ARID5B: variants seen among roughly 807,000 people sequenced by gnomAD.
ARID5B encodes AT-rich interactive domain-containing protein 5B.
A neutral mutation model predicts 97.2 loss-of-function variants in ARID5B; 13 were observed. That is an observed-to-expected ratio of 0.13 (90% confidence interval 0.09 to 0.21). The LOEUF is 0.21. Among genes scored for constraint, ARID5B ranks in the 10% least tolerant of loss-of-function variants. The pLI, the probability that ARID5B is intolerant of heterozygous loss-of-function variation, is 1.00. For missense variants in ARID5B, 1,210 were observed against 1,465.3 expected (o/e 0.83, Z 2.84); for synonymous variants, 556 against 570.3 (o/e 0.97, Z 0.36).
chr10:62,074,106 C>T (rs1170018339), intron 8 of ARID5B, among the ~76,000 whole-genome samples: 1 of 152,106 alleles, frequency 6.6e-6, no homozygotes, highest in East Asian at 1.9e-4. Context: ...ACTCAGAATG[C>T]TAGATTACTG....
intron 4 of ARID5B, among the ~76,000 whole-genome samples, chr10:62,006,116 A>C (rs748973802): frequency 1.3e-5 from 2 of 152,110 alleles, no homozygotes; most frequent in Non-Finnish European, 2.9e-5. Flanking sequence ...TTGTTTTGGA[A>C]ATTTTCTAGA....
At chr10:61,949,649 C>G (rs767706450) in intron 3 of ARID5B, among the ~76,000 whole-genome samples, 2 of 152,110 alleles carry the variant, frequency 1.3e-5, no homozygotes, top group Non-Finnish European at 2.9e-5. Flanking sequence ...ACCACCCCCC[C>G]ACGCCCCCAC....
At chr10:61,977,864 T>C (rs1438851909) in intron 3 of ARID5B, among the ~76,000 whole-genome samples, 1 of 152,236 alleles carries the variant, frequency 6.6e-6, no homozygotes, top group East Asian at 1.9e-4. Context: ...TTTAGTTTAA[T>C]TAGATCGCAT....
At chr10:61,918,248 G>A (rs2132766485) in intron 2 of ARID5B, among the ~76,000 whole-genome samples, 1 of 152,278 alleles carries the variant, frequency 6.6e-6, no homozygotes, top group East Asian at 1.9e-4. Flanking sequence ...GTAGTTAAAT[G>A]GAGTGTGAAT....
At chr10:62,050,696 G>A (rs1485481959) in intron 4 of ARID5B, among the ~76,000 whole-genome samples, 192 bp from the exon 5 acceptor site, 1 of 152,162 alleles carries the variant, frequency 6.6e-6, no homozygotes, top group African/African-American at 2.4e-5. Context: ...TGGGAAACGT[G>A]TACAGAAATG....
chr10:61,933,829 G>A (rs1844253525), intron 2 of ARID5B, among the ~76,000 whole-genome samples: 2 of 152,146 alleles, frequency 1.3e-5, no homozygotes, highest in South Asian at 4.1e-4. Context: ...AATGGTAAAT[G>A]AGCATTGGCT....
At chr10:62,029,454 A>T (rs1357125963) in intron 4 of ARID5B, among the ~76,000 whole-genome samples, 1 of 152,236 alleles carries the variant, frequency 6.6e-6, no homozygotes, top group Non-Finnish European at 1.5e-5. Context: ...ATTAACCAAA[A>T]TGAGAATATA....
intron 2 of ARID5B, among the ~76,000 whole-genome samples, chr10:61,904,042 G>A (rs1237118747): frequency 6.0e-5 from 9 of 149,478 alleles, no homozygotes; most frequent in Non-Finnish European, 1.2e-4. Context: ...CCAAGGTCTG[G>A]CTCGGCCCCC....
intron 2 of ARID5B, among the ~76,000 whole-genome samples, chr10:61,920,737 T>C (rs1844000112): frequency 6.6e-6 from 1 of 152,204 alleles, no homozygotes; most frequent in Non-Finnish European, 1.5e-5. Context: ...GGCCTTTGAC[T>C]ATAACCTTTT....
chr10:61,971,833 T>C (rs1023657421), intron 3 of ARID5B, among the ~76,000 whole-genome samples: 3 of 152,224 alleles, frequency 2.0e-5, no homozygotes, highest in Non-Finnish European at 2.9e-5. Flanking sequence ...TTATTTTTAA[T>C]TGAATATATA....
intron 7 of ARID5B, among the ~76,000 whole-genome samples, chr10:62,067,210 G>A (rs1486584652): frequency 1.1e-4 from 16 of 151,932 alleles, no homozygotes; most frequent in Admixed American, 7.9e-4. Context: ...TCAGCATCCC[G>A]AGTAGCTGGG....
chr10:62,021,658 A>C (rs1270305670), intron 4 of ARID5B, among the ~76,000 whole-genome samples: 3 of 152,192 alleles, frequency 2.0e-5, no homozygotes, highest in Non-Finnish European at 2.9e-5. Context: ...TCTGGGGTGT[A>C]ATGTGGTCGT....
At position 62,065,111 on chromosome 10, in the gene ARID5B, A is replaced by G. The variant is rs538006010; in HGVS notation, c.1102-4589A>G. Among the ~76,000 whole-genome samples the G allele has an allele frequency of 2.8e-3, 424 of 152,260 alleles. 2 individuals are homozygous for G. The highest frequency in any genetic ancestry group is 4.7e-3 in the Non-Finnish European group (319 of 68,026). On this transcript the variant is annotated intron_variant, in intron 7 of 9. Coordinates refer to ENST00000279873, the MANE Select transcript of ARID5B (RefSeq NM_032199.3). Reference sequence around the variant, plus strand: ...TTGAAACCCACTATATTTGTAAGCAATGAAAATTTTATGAACATAGTAGGT... The same window carrying G: ...TTGAAACCCACTATATTTGTAAGCAGTGAAAATTTTATGAACATAGTAGGT...
chr10:61,956,580 C>G (rs572549012), intron 3 of ARID5B, among the ~76,000 whole-genome samples: 2 of 152,178 alleles, frequency 1.3e-5, no homozygotes, highest in Non-Finnish European at 2.9e-5. Flanking sequence ...CACTCTCTGT[C>G]CCCACTCCCA....
intron 8 of ARID5B, among the ~76,000 whole-genome samples, chr10:62,080,802 T>C (rs1279875282): frequency 6.6e-6 from 1 of 151,960 alleles, no homozygotes; most frequent in Non-Finnish European, 1.5e-5. Context: ...AAAAGCCTAA[T>C]AGTATTAGAA....
chr10:61,970,580 T>C (rs954386320), intron 3 of ARID5B, among the ~76,000 whole-genome samples: 2 of 152,226 alleles, frequency 1.3e-5, no homozygotes, highest in African/African-American at 2.4e-5. Flanking sequence ...CCTGTTTTGC[T>C]GTCAGTTTAA....
chr10:61,958,382 C>T lies in ARID5B; in HGVS notation c.502+17974C>T, dbSNP rs1838422083. Among the ~76,000 whole-genome samples, 3 of 152,182 alleles carry T rather than the reference C, an allele frequency of 2.0e-5. No individual in the cohort carries two copies. In the South Asian group the frequency reaches 6.2e-4, roughly 32 times the overall value. Reference sequence around the variant, plus strand: ...TAGCTGTGATTACAGGTGCCCGCCACCGCGCCCGGCTAATTTTTGTATTTT... The same window carrying T: ...TAGCTGTGATTACAGGTGCCCGCCATCGCGCCCGGCTAATTTTTGTATTTT... On this transcript the variant is annotated intron_variant, in intron 3 of 9. Coordinates refer to ENST00000279873, the MANE Select transcript of ARID5B (RefSeq NM_032199.3).
chr10:62,054,479 C>A (rs1839829820), intron 5 of ARID5B, among the ~76,000 whole-genome samples: 1 of 152,180 alleles, frequency 6.6e-6, no homozygotes. Flanking sequence ...TCCCCAGGAG[C>A]AGCATGCTGG....
intron 3 of ARID5B, among the ~76,000 whole-genome samples, chr10:61,990,761 A>G (rs1394347453): frequency 6.6e-6 from 1 of 152,214 alleles, no homozygotes; most frequent in Non-Finnish European, 1.5e-5. Flanking sequence ...TAGACATAAC[A>G]TAAAATTTAT....
Sources: allele counts gnomAD v4.1 joint callset (sites outside exome capture counted in the v4.1 genomes callset), GRCh38; gene constraint gnomAD v4.1.1; transcripts MANE v1.5; gene names NCBI Gene and HGNC (gene_info 2026-07-23, HGNC 2026-07-21).